Variants in FILIP1L observed in about 807,000 individuals in gnomAD.
FILIP1L encodes filamin A interacting protein 1 like.
FILIP1L carries 55 observed loss-of-function variants against 96.6 expected under a neutral mutation model. The ratio of observed to expected loss-of-function variants is 0.57; its 90% CI spans 0.46 to 0.71. The LOEUF (loss-of-function observed/expected upper bound fraction) is 0.71. Ranked by LOEUF, FILIP1L falls within the 30% of genes least tolerant of loss-of-function variation. The pLI, the probability that FILIP1L is intolerant of heterozygous loss-of-function variation, is 0.00. For synonymous variants in FILIP1L, 467 were observed against 473.9 expected, an observed-to-expected ratio of 0.99 and a Z score of 0.19; for missense variants, 1,304 against 1,321.2, an observed-to-expected ratio of 0.99 and a Z score of 0.20.
At chr3:100,033,549 G>C (rs2065055418) in intron 1 of FILIP1L, among the ~76,000 whole-genome samples, 1 of 152,164 alleles carries the variant, frequency 6.6e-6, no homozygotes, top group Non-Finnish European at 1.5e-5. Context: ...GTGTTAACTT[G>C]CCTGCACCAA....
chr3:99,880,578 G>A (rs1455308131), intron 4 of FILIP1L, among the ~76,000 whole-genome samples: 1 of 152,096 alleles, frequency 6.6e-6, no homozygotes, highest in African/African-American at 2.4e-5. Flanking sequence ...CAGTAGTAGT[G>A]TCCATGTGAT....
In FILIP1L at chr3:99,830,513, C is replaced by T. The variant is rs115071595; in HGVS notation, c.3474G>A (p.Val1158=). The change falls in exon 6 of 6, where the codon GTG becomes GTA. Residue 1158 remains valine (V), a synonymous_variant. Coordinates refer to ENST00000477258, the MANE Select transcript of FILIP1L (RefSeq NM_001387850.1). ...TTTGGTAAATAGGCTTATCCATAGG[C>T]ACTGTGGGGGCTTTAGTGGAAATCT... is the stretch of plus-strand genomic sequence containing the variant. ...ITKISTKAPT[V]PMDKPIYQNG... is the part of the protein sequence containing the mutation. 2.0e-3 allele frequency: 926 copies of T among 456,704 alleles called. 2 individuals carry two copies. Among genetic ancestry groups the T allele is most frequent in the Non-Finnish European group, 3.3e-3 (746 of 226,968 alleles). 28.3% of individuals were successfully genotyped at this position (456,704 alleles called of 1,614,324 possible). A position where few individuals can be genotyped will look rare whatever the true frequency, so the allele number is the denominator to read the frequency against.
chr3:99,882,276 T>C (rs1184133473), intron 4 of FILIP1L, among the ~76,000 whole-genome samples: 1 of 152,214 alleles, frequency 6.6e-6, no homozygotes, highest in Non-Finnish European at 1.5e-5. Flanking sequence ...ATTATTTATG[T>C]AGTTAATTGC....
intron 1 of FILIP1L, among the ~76,000 whole-genome samples, chr3:100,085,945 C>A (rs1372727638): frequency 1.3e-5 from 2 of 152,170 alleles, no homozygotes; most frequent in Non-Finnish European, 2.9e-5. Flanking sequence ...ATAAAGGTCA[C>A]CACTTTTAAT....
At chr3:99,968,976 A>AC (rs1466193535) in intron 1 of FILIP1L, among the ~76,000 whole-genome samples, 1 of 151,448 alleles carries the variant, frequency 6.6e-6, no homozygotes, top group African/African-American at 2.4e-5. Flanking sequence ...AAGAAAAAAA[A>AC]ATTCATTTGA....
intron 1 of FILIP1L, among the ~76,000 whole-genome samples, chr3:100,073,812 A>G (rs948510042): frequency 6.6e-6 from 1 of 152,154 alleles, no homozygotes; most frequent in East Asian, 1.9e-4. Flanking sequence ...GGAGGGCTTT[A>G]TTAAGAATCT....
At chr3:99,852,636 G>A (rs1403336123) in intron 4 of FILIP1L, among the ~76,000 whole-genome samples, 2 of 152,164 alleles carry the variant, frequency 1.3e-5, no homozygotes, top group East Asian at 3.9e-4. Context: ...AGTAGAGACA[G>A]GGTTTCACCA....
intron 5 of FILIP1L, among the ~76,000 whole-genome samples, chr3:99,835,306 G>C (rs1942852318): frequency 2.0e-5 from 3 of 152,240 alleles, no homozygotes; most frequent in Middle Eastern, 6.8e-3. Flanking sequence ...TTCTTTTTTA[G>C]AGTTCACCCA....
At chr3:100,075,263 C>T (rs896854519) in intron 1 of FILIP1L, among the ~76,000 whole-genome samples, 1 of 152,154 alleles carries the variant, frequency 6.6e-6, no homozygotes, top group South Asian at 2.1e-4. Context: ...AAATAATGGA[C>T]TTCTAATGAC....
intron 5 of FILIP1L, among the ~76,000 whole-genome samples, chr3:99,845,249 C>G (rs1313086809): frequency 1.3e-5 from 2 of 152,114 alleles, no homozygotes; most frequent in Non-Finnish European, 2.9e-5. Context: ...GTGGCATCCT[C>G]CTGGGGAAAG....
chr3:99,838,028 C>G (rs2107498950), intron 5 of FILIP1L, among the ~76,000 whole-genome samples: 1 of 152,334 alleles, frequency 6.6e-6, no homozygotes, highest in East Asian at 1.9e-4. Context: ...TCTATCCCAT[C>G]ATCTCTGAGG....
intron 1 of FILIP1L, among the ~76,000 whole-genome samples, chr3:100,083,547 G>T (rs181596620): frequency 1.2e-4 from 19 of 152,308 alleles, no homozygotes; most frequent in Admixed American, 5.2e-4. Flanking sequence ...TTCCCGTCTT[G>T]TCTCTGATGC....
At chr3:99,875,929 C>T in intron 4 of FILIP1L, 1 of 442,202 alleles carries the variant, frequency 2.3e-6, no homozygotes. Flanking sequence ...CGGTTTTGAA[C>T]CTAGAATTCA....
chr3:99,991,796 A>T (rs952536740), intron 1 of FILIP1L, among the ~76,000 whole-genome samples: 2 of 151,464 alleles, frequency 1.3e-5, no homozygotes, highest in Admixed American at 6.6e-5. Context: ...CTTTTTCTAA[A>T]GCCAGTAAAT....
chr3:99,972,169 T>A (rs1484539224), intron 1 of FILIP1L, among the ~76,000 whole-genome samples: 1 of 152,046 alleles, frequency 6.6e-6, no homozygotes, highest in African/African-American at 2.4e-5. Flanking sequence ...GGGAAAGATG[T>A]CATTCAAACC....
intron 4 of FILIP1L, among the ~76,000 whole-genome samples, chr3:99,885,037 A>G (rs1705847878): frequency 6.6e-6 from 1 of 152,230 alleles, no homozygotes; most frequent in Non-Finnish European, 1.5e-5. Flanking sequence ...GACTTGAGGG[A>G]AAAAACTGCA....
rs1942639742 is a variant in FILIP1L at position 99,830,567 on chromosome 3, G to A, written c.3420C>T (p.Ile1140=). ...TGATGCCTGTAGATTTCGGTTTAGG[G>A]ATCCGTGCTGGGATTCTCTGCTTGC... The part of the protein sequence containing the change: ...EVCKQRIPAR[I]PKPKSTGITK... Residue 1140 remains isoleucine (I), a synonymous_variant, in exon 6 of 6, where the codon ATC becomes ATT. Transcript: ENST00000477258. The A allele has an allele frequency of 4.4e-6, 2 of 456,534 alleles. No homozygotes were observed. Among genetic ancestry groups the A allele is most frequent in the South Asian group, 3.1e-5 (2 of 64,570 alleles). 28.3% of individuals were successfully genotyped at this position (456,534 alleles called of 1,614,324 possible).
At chr3:99,833,073 T>A (rs1259580802) in intron 5 of FILIP1L, 2 of 660,216 alleles carry the variant, frequency 3.0e-6, no homozygotes, top group Non-Finnish European at 5.4e-6. Flanking sequence ...CTACTCAGAG[T>A]TGGAGGCTCC....
chr3:99,952,638 A>G (rs947284995), intron 1 of FILIP1L, among the ~76,000 whole-genome samples: 1 of 152,178 alleles, frequency 6.6e-6, no homozygotes, highest in African/African-American at 2.4e-5. Flanking sequence ...ACACATACAC[A>G]CAGAGAGAAA....
Sources: gnomAD v4.1 joint callset for allele counts (sites outside exome capture counted in the v4.1 genomes callset) on GRCh38, gnomAD v4.1.1 for gene constraint, MANE v1.5 for transcripts, NCBI Gene and HGNC (gene_info 2026-07-23, HGNC 2026-07-21) for gene names.